The following RAPGEF5 variants were observed in gnomAD, a reference collection of about 807,000 sequenced individuals.
RAPGEF5 encodes Rap guanine nucleotide exchange factor 5, also known as M-Ras-regulated GEF.
A neutral mutation model predicts 125.2 loss-of-function variants in RAPGEF5; 65 were observed. The observed-to-expected ratio is 0.52, with a 90% CI of 0.43 to 0.64. The LOEUF is 0.64. Ranked by LOEUF, RAPGEF5 falls within the 30% of genes least tolerant of loss-of-function variation. RAPGEF5 has a pLI of 0.00. For missense variants in RAPGEF5, 958 were observed against 1,048.1 expected (o/e 0.91, Z 1.19); for synonymous variants, 391 against 385.9 (o/e 1.01, Z -0.16).
intron 7 of RAPGEF5, among the ~76,000 whole-genome samples, chr7:22,248,327 C>A (rs1243313964): frequency 6.6e-6 from 1 of 152,118 alleles, no homozygotes; most frequent in African/African-American, 2.4e-5. Context: ...CAAAACATAT[C>A]AACTTCAACT....
chr7:22,264,467 T>C (rs1248371054), intron 7 of RAPGEF5, among the ~76,000 whole-genome samples: 1 of 152,216 alleles, frequency 6.6e-6, no homozygotes, highest in South Asian at 2.1e-4. Flanking sequence ...ATACCAGTCT[T>C]TGACATTATG....
intron 1 of RAPGEF5, among the ~76,000 whole-genome samples, chr7:22,328,494 G>A (rs1175348885): frequency 1.3e-5 from 2 of 152,306 alleles, no homozygotes; most frequent in South Asian, 2.1e-4. Context: ...AGAACCCTAA[G>A]TACAGTCAAT....
chr7:22,296,033 A>AG (rs138522465), intron 5 of RAPGEF5, among the ~76,000 whole-genome samples: 2,972 of 152,138 alleles, frequency 0.02, 91 homozygotes, highest in African/African-American at 0.061. Flanking sequence ...GGCAGAAGTG[A>AG]GGGGTGGTGG....
At chr7:22,173,826 G>A (rs1562739055) in intron 11 of RAPGEF5, among the ~76,000 whole-genome samples, 3 of 110,140 alleles carry the variant, frequency 2.7e-5, no homozygotes, top group Admixed American at 1.0e-4. Flanking sequence ...AGCGGTGAGC[G>A]GCCTCATAGC....
At chr7:22,259,044 T>A (rs1021155509) in intron 7 of RAPGEF5, among the ~76,000 whole-genome samples, 2 of 152,088 alleles carry the variant, frequency 1.3e-5, no homozygotes, top group East Asian at 3.8e-4. Context: ...ACATTTCTGT[T>A]TTGCAAAGAC....
In RAPGEF5 at chr7:22,119,765, G is replaced by A. The variant is rs1782530013; in HGVS notation, c.*2641C>T. ...TATGCAATAATAAAACTCCAAATGA[G>A]AGCTGGCAAAGAGCTTAGCCATCTT... On this transcript the variant is annotated 3_prime_UTR_variant, in exon 26 of 26. Coordinates refer to ENST00000665637, the MANE Select transcript of RAPGEF5 (RefSeq NM_012294.5). This position sits in a 1 kb window ranked among gnomAD's most constrained non-coding sequence, Gnocchi z 4.1. 6.6e-6 allele frequency: 1 copy of A among 152,182 alleles called. No individual in the cohort carries two copies. The highest frequency in any genetic ancestry group is 2.4e-5 in the African/African-American group (1 of 41,436). The allele number at this position is 152,182 out of a possible 1,614,324, so 9.4% of individuals were successfully genotyped here.
intron 11 of RAPGEF5, among the ~76,000 whole-genome samples, chr7:22,176,959 G>C (rs1374453293): frequency 6.6e-6 from 1 of 152,152 alleles, no homozygotes; most frequent in Non-Finnish European, 1.5e-5. Flanking sequence ...ATCAACCAGT[G>C]GCTGACAGGA....
chr7:22,304,245 A>G (rs1180935085), intron 5 of RAPGEF5, among the ~76,000 whole-genome samples: 1 of 152,184 alleles, frequency 6.6e-6, no homozygotes. Flanking sequence ...TTATCTTTAT[A>G]TATTTAGTAC....
chr7:22,239,944 C>T (rs890698907), intron 7 of RAPGEF5, among the ~76,000 whole-genome samples: 2 of 151,876 alleles, frequency 1.3e-5, no homozygotes, highest in South Asian at 2.1e-4. Flanking sequence ...TGTGGTGGCT[C>T]ATGCCTGTAA....
intron 1 of RAPGEF5, among the ~76,000 whole-genome samples, chr7:22,325,106 A>G: frequency 6.6e-6 from 1 of 152,148 alleles, no homozygotes; most frequent in Admixed American, 6.5e-5. Flanking sequence ...CAATCCACAC[A>G]AACGCTGCAT....
At chr7:22,155,464 A>G (rs968807328) in intron 16 of RAPGEF5, among the ~76,000 whole-genome samples, 1 of 152,222 alleles carries the variant, frequency 6.6e-6, no homozygotes, top group Admixed American at 6.5e-5. Context: ...ATATACTTAG[A>G]TATTCTACTC....
At chr7:22,165,005 G>A (rs1784118326) in intron 12 of RAPGEF5, among the ~76,000 whole-genome samples, 1 of 152,062 alleles carries the variant, frequency 6.6e-6, no homozygotes, top group Non-Finnish European at 1.5e-5. Flanking sequence ...ACTAAGATGT[G>A]CATAAAAATA....
chr7:22,248,572 C>T (rs1352921612), intron 7 of RAPGEF5, among the ~76,000 whole-genome samples: 1 of 152,192 alleles, frequency 6.6e-6, no homozygotes, highest in Non-Finnish European at 1.5e-5. Flanking sequence ...CCAACTCCTC[C>T]ACTGTCAGCA....
chr7:22,157,524 T>C (rs978451843), intron 15 of RAPGEF5, among the ~76,000 whole-genome samples: 1 of 152,244 alleles, frequency 6.6e-6, no homozygotes, highest in South Asian at 2.1e-4. Context: ...AGAGTCAAGA[T>C]TCCTTCTACC....
At chr7:22,129,274 C>T (rs1257493336) in intron 24 of RAPGEF5, among the ~76,000 whole-genome samples, 5 of 152,166 alleles carry the variant, frequency 3.3e-5, no homozygotes, top group Admixed American at 1.3e-4. Flanking sequence ...CTGCCCTCAA[C>T]AACAGGCAAC....
intron 6 of RAPGEF5, among the ~76,000 whole-genome samples, chr7:22,274,989 A>T (rs1011938949): frequency 6.6e-6 from 1 of 152,012 alleles, no homozygotes; most frequent in African/African-American, 2.4e-5. Context: ...TCCTTCCAAA[A>T]TCCATGCTCG....
chr7:22,356,759 G>T (rs1416149403), intron 1 of RAPGEF5, 71 bp downstream of exon 1: 4 of 875,710 alleles, frequency 4.6e-6, no homozygotes, highest in African/African-American at 3.6e-5. Context: ...CCCCCTCAGC[G>T]GCCCGGGGGG....
At chr7:22,265,138 T>G (rs1162946631) in intron 7 of RAPGEF5, among the ~76,000 whole-genome samples, 1 of 152,222 alleles carries the variant, frequency 6.6e-6, no homozygotes, top group Non-Finnish European at 1.5e-5. Context: ...AATCTTCTTC[T>G]CTCGCTATTT....
chr7:22,251,329 T>C (rs1404975552), intron 7 of RAPGEF5, among the ~76,000 whole-genome samples: 3 of 152,118 alleles, frequency 2.0e-5, no homozygotes, highest in Admixed American at 2.0e-4. Flanking sequence ...TTTACCCAAA[T>C]ACACAGAATT....
Sources: gnomAD v4.1 joint callset for allele counts (sites outside exome capture counted in the v4.1 genomes callset) on GRCh38, gnomAD v4.1.1 for gene constraint, Gnocchi (gnomAD v3.1) non-coding constraint, MANE v1.5 for transcripts, NCBI Gene and HGNC (gene_info 2026-07-23, HGNC 2026-07-21) for gene names.